Variants in RNF217 observed in about 807,000 individuals in gnomAD.
The protein encoded by RNF217 is ring finger protein 217, also known as E3 ubiquitin-protein ligase RNF217.
In RNF217, 31 loss-of-function variants were observed where a neutral mutation model predicts 57.8. The ratio of observed to expected loss-of-function variants is 0.54; its 90% CI spans 0.40 to 0.72. The LOEUF (loss-of-function observed/expected upper bound fraction) is 0.72, where lower values mean the gene tolerates loss of function less well. RNF217 is among the 30% of genes least tolerant of loss of function. The pLI is 0.00. For missense variants in RNF217, 696 were observed against 708.3 expected (o/e 0.98, Z 0.20); for synonymous variants, 313 against 294.0 (o/e 1.06, Z -0.66).
chr6:125,049,697 T>C (rs1331758304), intron 2 of RNF217, among the ~76,000 whole-genome samples: 1 of 151,804 alleles, frequency 6.6e-6, no homozygotes, highest in Non-Finnish European at 1.5e-5. Context: ...AGTATTATGA[T>C]TGTTATTATT....
chr6:124,962,826 G>C lies in RNF217; in HGVS notation c.282G>C (p.Gly94=), dbSNP rs1783341537. The C allele has an allele frequency of 6.3e-7, 1 of 1,597,812 alleles. No individual in the cohort carries two copies. Among genetic ancestry groups the C allele is most frequent in the Admixed American group, 1.7e-5 (1 of 60,002 alleles). ...AGCCTGCGGGACTGGCACTCACCGGGCCTCTCAATCCCCAGACCTTGCCAC... is the reference window on the plus strand; with the variant it reads ...AGCCTGCGGGACTGGCACTCACCGGCCCTCTCAATCCCCAGACCTTGCCAC... ...PAQPAGLALT[G]PLNPQTLPLQ... Residue 94 remains glycine (G), a synonymous_variant, in exon 1 of 6, where the codon GGG becomes GGC. Transcript: ENST00000521654. The surrounding 1 kb of genome is among the most constrained non-coding windows in gnomAD (Gnocchi z 4.6).
At chr6:125,060,291 A>G (rs943772570) in intron 3 of RNF217, among the ~76,000 whole-genome samples, 5 of 152,120 alleles carry the variant, frequency 3.3e-5, no homozygotes, top group Admixed American at 6.6e-5. Flanking sequence ...ATATTTTCAT[A>G]TAAATGCTTT....
intron 1 of RNF217, among the ~76,000 whole-genome samples, chr6:125,034,088 G>A (rs1027530043): frequency 2.0e-4 from 30 of 152,060 alleles, no homozygotes; most frequent in Middle Eastern, 6.8e-3. Context: ...GTAGATTCTG[G>A]ATATTAGCCC....
chr6:125,025,695 T>C (rs972557702), intron 1 of RNF217, among the ~76,000 whole-genome samples: 2 of 129,588 alleles, frequency 1.5e-5, no homozygotes, highest in South Asian at 2.4e-4. Context: ...TATTTCCAAA[T>C]GTACTCCCTT....
rs1160447442 is a variant in RNF217, at chr6:125,020,810, T to G, written c.883-24401T>G. 2.6e-5 allele frequency among the ~76,000 whole-genome samples: 4 copies of G among 152,304 alleles called. No homozygotes were observed. In the South Asian group the frequency reaches 8.3e-4, roughly 32 times the overall value. On this transcript the variant is annotated intron_variant, in intron 1 of 5. Coordinates refer to ENST00000521654, the MANE Select transcript of RNF217 (RefSeq NM_001286398.3). ...AGAGGGGAAAACAACAAATAAATAC[T>G]CTAACATATATTAAAGCTTACAATT...
intron 1 of RNF217, among the ~76,000 whole-genome samples, chr6:125,017,888 A>T (rs180843838): frequency 6.6e-6 from 1 of 152,318 alleles, no homozygotes; most frequent in African/African-American, 2.4e-5. Flanking sequence ...AGCATTGCCA[A>T]TACTAAGGGA....
chr6:124,975,246 G>A (rs1015263172), intron 1 of RNF217, among the ~76,000 whole-genome samples: 32 of 152,056 alleles, frequency 2.1e-4, no homozygotes, highest in African/African-American at 7.0e-4. Flanking sequence ...CTTTTCCCCC[G>A]GTTGCTTAAC....
At chr6:125,042,536 A>G (rs920767406) in intron 1 of RNF217, among the ~76,000 whole-genome samples, 1 of 152,102 alleles carries the variant, frequency 6.6e-6, no homozygotes, top group Non-Finnish European at 1.5e-5. Context: ...GGAAGGTAAA[A>G]AATAGTCAAT....
intron 1 of RNF217, among the ~76,000 whole-genome samples, chr6:125,013,593 A>G (rs910155757): frequency 6.6e-6 from 1 of 151,884 alleles, no homozygotes; most frequent in South Asian, 2.1e-4. Context: ...GTTTTCTTTT[A>G]GTAAAGACTT....
At chr6:124,965,809 C>T (rs1783516546) in intron 1 of RNF217, among the ~76,000 whole-genome samples, 1 of 152,182 alleles carries the variant, frequency 6.6e-6, no homozygotes, top group African/African-American at 2.4e-5. Flanking sequence ...ACCCCACGCT[C>T]TCTCTCTTTT....
At position 125,086,328 on chromosome 6, in the gene RNF217, A is replaced by G. The variant is rs948131502; in HGVS notation, c.*3391A>G. 6.7e-6 allele frequency: 1 copy of G among 149,402 alleles called. No homozygotes were observed. Among genetic ancestry groups the G allele is most frequent in the Admixed American group, 6.7e-5 (1 of 15,020 alleles). 9.3% of individuals were successfully genotyped at this position (149,402 alleles called of 1,614,324 possible). On this transcript the variant is annotated 3_prime_UTR_variant, in exon 6 of 6. Transcript: ENST00000521654. ...TAGGAAATTTTTTTTCAATAAAAAT[A>G]AAATTTGAGGAGATGTGTGTCAGAT... is the stretch of plus-strand genomic sequence containing the variant.
chr6:125,025,775 G>GGGAA (rs554699700), intron 1 of RNF217, among the ~76,000 whole-genome samples: 31 of 142,092 alleles, frequency 2.2e-4, no homozygotes, highest in East Asian at 1.0e-3. Flanking sequence ...GAGGGAGGGA[G>GGGAA]GGAAGGAAGG....
At chr6:125,078,504 T>C (rs1788459619) in intron 4 of RNF217, among the ~76,000 whole-genome samples, 1 of 152,134 alleles carries the variant, frequency 6.6e-6, no homozygotes, top group African/African-American at 2.4e-5. Flanking sequence ...GCCTTTGTGC[T>C]GCACCATAGC....
chr6:125,007,201 C>G (rs143906823), intron 1 of RNF217, among the ~76,000 whole-genome samples: 2 of 151,212 alleles, frequency 1.3e-5, no homozygotes, highest in African/African-American at 2.4e-5. Flanking sequence ...TTTCATGCAG[C>G]CTTCTTCTTG....
At chr6:125,011,848 A>G (rs931955285) in intron 1 of RNF217, among the ~76,000 whole-genome samples, 2 of 134,536 alleles carry the variant, frequency 1.5e-5, no homozygotes, top group African/African-American at 5.4e-5. Flanking sequence ...GTTCAAAGAA[A>G]CTCTTCTCGG....
At chr6:124,965,309 C>T (rs553066714) in intron 1 of RNF217, among the ~76,000 whole-genome samples, 6 of 152,310 alleles carry the variant, frequency 3.9e-5, no homozygotes, top group Admixed American at 2.6e-4. Flanking sequence ...TGCGGTGGCT[C>T]ACGCCTGTAA....
chr6:125,012,362 A>G (rs1028311527), intron 1 of RNF217, among the ~76,000 whole-genome samples: 1 of 152,204 alleles, frequency 6.6e-6, no homozygotes, highest in African/African-American at 2.4e-5. Flanking sequence ...TGAGATATGT[A>G]CAATGGATAC....
At chr6:125,071,654 A>G (rs1043853394) in intron 3 of RNF217, among the ~76,000 whole-genome samples, 11 of 152,134 alleles carry the variant, frequency 7.2e-5, no homozygotes, top group African/African-American at 2.7e-4. Context: ...TTATAAGGGA[A>G]TATCTAGCTT....
chr6:125,072,568 A>G (rs1788188728), intron 3 of RNF217, among the ~76,000 whole-genome samples: 2 of 152,362 alleles, frequency 1.3e-5, no homozygotes. Flanking sequence ...TAGGCCACAT[A>G]AAGATTTTAG....
Sources: gnomAD v4.1 joint callset for allele counts (sites outside exome capture counted in the v4.1 genomes callset) on GRCh38, gnomAD v4.1.1 for gene constraint, Gnocchi (gnomAD v3.1) non-coding constraint, MANE v1.5 for transcripts, NCBI Gene and HGNC (gene_info 2026-07-23, HGNC 2026-07-21) for gene names.